SDCCAG8: variants seen among roughly 807,000 people sequenced by gnomAD.
SDCCAG8 encodes SHH signaling and ciliogenesis regulator SDCCAG8, also known as serologically defined colon cancer antigen 8.
SDCCAG8 carries 74 observed loss-of-function variants against 101.8 expected under a neutral mutation model. That is an observed-to-expected ratio of 0.73 (90% CI 0.60 to 0.88). The LOEUF (loss-of-function observed/expected upper bound fraction) is 0.88, where lower values mean the gene tolerates loss of function less well. Ranked by LOEUF, SDCCAG8 falls within the 40% of genes least tolerant of loss-of-function variation. The probability of loss-of-function intolerance (pLI) is 0.00; values close to 1 mark genes in which losing one functional copy is unlikely to be tolerated. For missense variants in SDCCAG8, 787 were observed against 822.6 expected (o/e 0.96, Z 0.53); for synonymous variants, 281 against 292.9 (o/e 0.96, Z 0.41).
chr1:243,422,046 A>G (rs1349722272), intron 15 of SDCCAG8, among the ~76,000 whole-genome samples: 1 of 152,142 alleles, frequency 6.6e-6, no homozygotes, highest in East Asian at 1.9e-4. Flanking sequence ...CCAGCCACAG[A>G]GTGGAGAGAA....
At position 243,416,977 on chromosome 1, in the gene SDCCAG8, G is replaced by A. The variant is rs1033023622; in HGVS notation, c.1745-991G>A. ...AGAGGTAATTTTCATATGATTTAAT[G>A]TATTAATATATTGTATTTGATGACA... is the stretch of plus-strand genomic sequence containing the variant. On this transcript the variant is annotated intron_variant, in intron 14 of 17. Transcript: ENST00000366541. The surrounding 1 kb of genome is among the most constrained non-coding windows in gnomAD (Gnocchi z 4.3). Among the ~76,000 whole-genome samples the A allele has an allele frequency of 6.6e-6, 1 of 152,128 alleles. No individual in the cohort carries two copies. Among genetic ancestry groups the A allele is most frequent in the African/African-American group, 2.4e-5 (1 of 41,414 alleles).
chr1:243,460,945 T>C (rs1321801178), intron 16 of SDCCAG8, among the ~76,000 whole-genome samples: 1 of 152,228 alleles, frequency 6.6e-6, no homozygotes, highest in East Asian at 1.9e-4. Flanking sequence ...ATTATACCTA[T>C]TTAATGCTAC....
chr1:243,298,350 CTTTTTT>C (rs35061154), intron 6 of SDCCAG8, among the ~76,000 whole-genome samples: 2 of 51,080 alleles, frequency 3.9e-5, no homozygotes, highest in East Asian at 1.3e-3. Flanking sequence ...CGCACCCTGC[CTTTTTT>C]TTTTTTTTTT....
At chr1:243,323,735 T>G (rs971713699) in intron 9 of SDCCAG8, among the ~76,000 whole-genome samples, 3 of 152,198 alleles carry the variant, frequency 2.0e-5, no homozygotes, top group Admixed American at 1.3e-4. Context: ...GTTACTGAAG[T>G]GCTCGCTTCA....
chr1:243,387,233 A>C (rs1259975928), intron 13 of SDCCAG8, among the ~76,000 whole-genome samples: 3 of 152,024 alleles, frequency 2.0e-5, no homozygotes, highest in African/African-American at 7.2e-5. Flanking sequence ...ATTCTTTTCC[A>C]TACCTTTTGC....
intron 15 of SDCCAG8, among the ~76,000 whole-genome samples, chr1:243,422,247 A>C (rs183726108): frequency 6.6e-6 from 1 of 152,204 alleles, no homozygotes; most frequent in South Asian, 2.1e-4. Context: ...TAAGAGGAAC[A>C]ATGGGAGTCC....
In SDCCAG8 at chr1:243,470,311, G is replaced by T. The variant is rs368577572; in HGVS notation, c.1986-18703G>T. 1.2e-3 allele frequency among the ~76,000 whole-genome samples: 189 copies of T among 152,198 alleles called. 1 individual carries two copies. The highest frequency in any genetic ancestry group is 4.4e-3 in the African/African-American group (181 of 41,528). On this transcript the variant is annotated intron_variant, in intron 16 of 17. Transcript: ENST00000366541. ...ATCCTGGCCGTCATCACTCACATGT[G>T]CTCACCAGGTTTCGTTTCTAGTTCA...
chr1:243,318,175 T>TA, intron 9 of SDCCAG8: 1 of 421,094 alleles, frequency 2.4e-6, no homozygotes, highest in South Asian at 1.7e-5. Flanking sequence ...TATGCAGCCA[T>TA]AAAAAGAATG....
intron 16 of SDCCAG8, among the ~76,000 whole-genome samples, chr1:243,463,264 A>G (rs1324793133): frequency 1.3e-5 from 2 of 152,258 alleles, no homozygotes; most frequent in Non-Finnish European, 2.9e-5. Flanking sequence ...AGGAACAGGT[A>G]AGCATGAGAA....
At chr1:243,473,810 T>C (rs1193468511) in intron 16 of SDCCAG8, among the ~76,000 whole-genome samples, 1 of 151,636 alleles carries the variant, frequency 6.6e-6, no homozygotes, top group Non-Finnish European at 1.5e-5. Flanking sequence ...ACAACTGTCA[T>C]GAAGCAGTAC....
chr1:243,377,830 C>CTTTTTT (rs34783752), intron 12 of SDCCAG8, among the ~76,000 whole-genome samples: 2 of 144,928 alleles, frequency 1.4e-5, no homozygotes, highest in Non-Finnish European at 3.0e-5. Flanking sequence ...TCTGCCCTTT[C>CTTTTTT]TTTTTTTTTT....
At chr1:243,424,002 G>A (rs2081182003) in intron 15 of SDCCAG8, among the ~76,000 whole-genome samples, 1 of 152,046 alleles carries the variant, frequency 6.6e-6, no homozygotes, top group Non-Finnish European at 1.5e-5. Flanking sequence ...ATCTGGTTTT[G>A]TTGTGCTATT....
At chr1:243,450,138 G>C (rs567614829) in intron 16 of SDCCAG8, among the ~76,000 whole-genome samples, 21 of 152,190 alleles carry the variant, frequency 1.4e-4, no homozygotes, top group African/African-American at 4.3e-4. Flanking sequence ...CATGGCCTTC[G>C]ATGTCCTTCT....
At chr1:243,308,861 T>G (rs1218843896) in intron 8 of SDCCAG8, among the ~76,000 whole-genome samples, 1 of 152,238 alleles carries the variant, frequency 6.6e-6, no homozygotes, top group Non-Finnish European at 1.5e-5. Context: ...AGTGGCAGTT[T>G]ATAGTGTATG....
chr1:243,350,618 C>A (rs1361763591), intron 12 of SDCCAG8, among the ~76,000 whole-genome samples: 1 of 152,208 alleles, frequency 6.6e-6, no homozygotes, highest in Non-Finnish European at 1.5e-5. Context: ...TGCTTCACAT[C>A]TTCAAGGATT....
At chr1:243,267,500 G>C in intron 1 of SDCCAG8, 1 of 375,030 alleles carries the variant, frequency 2.7e-6, no homozygotes. Context: ...TATTGGGGAG[G>C]CTGAGGCAGG....
intron 4 of SDCCAG8, among the ~76,000 whole-genome samples, chr1:243,285,612 G>C (rs2069534350): frequency 6.6e-6 from 1 of 152,164 alleles, no homozygotes; most frequent in Admixed American, 6.5e-5. Flanking sequence ...TTGATATGTT[G>C]ATATTATTGA....
intron 12 of SDCCAG8, among the ~76,000 whole-genome samples, chr1:243,369,990 C>T (rs1441535290): frequency 6.6e-6 from 1 of 152,030 alleles, no homozygotes. Flanking sequence ...TCTGAATCTA[C>T]CTCTCCCAGT....
chr1:243,452,628 TGTTGC>T (rs748289731), intron 16 of SDCCAG8, among the ~76,000 whole-genome samples: 2 of 151,872 alleles, frequency 1.3e-5, no homozygotes, highest in Non-Finnish European at 2.9e-5. Flanking sequence ...GGTCCCACTG[TGTTGC>T]CCAGGTTGGT....
Sources: allele counts gnomAD v4.1 joint callset (sites outside exome capture counted in the v4.1 genomes callset), GRCh38; gene constraint gnomAD v4.1.1; non-coding constraint Gnocchi (gnomAD v3.1); transcripts MANE v1.5; gene names NCBI Gene and HGNC (gene_info 2026-07-23, HGNC 2026-07-21).